DDAH1: variants seen among roughly 807,000 people sequenced by gnomAD.
The protein encoded by DDAH1 is N(G),N(G)-dimethylarginine dimethylaminohydrolase 1.
DDAH1 carries 19 observed loss-of-function variants against 28.8 expected under a neutral mutation model. The observed-to-expected ratio is 0.66, with a 90% CI of 0.46 to 0.97. DDAH1 has a LOEUF of 0.97. Ranked by LOEUF, DDAH1 falls within the 50% of genes least tolerant of loss-of-function variation. The pLI, the probability that DDAH1 is intolerant of heterozygous loss-of-function variation, is 0.00. For missense variants in DDAH1, 326 were observed against 375.9 expected (o/e 0.87, Z 1.10); for synonymous variants, 153 against 154.4 (o/e 0.99, Z 0.07).
chr1:85,467,933 A>G (rs1655444009), upstream of DDAH1, among the ~76,000 whole-genome samples: 1 of 152,230 alleles, frequency 6.6e-6, no homozygotes, highest in Non-Finnish European at 1.5e-5. Flanking sequence ...GGTATAGATA[A>G]CAAAGTGCTA....
intron 1 of DDAH1, among the ~76,000 whole-genome samples, chr1:85,523,932 C>T (rs868078883): frequency 3.3e-5 from 5 of 152,024 alleles, no homozygotes; most frequent in Admixed American, 1.3e-4. Context: ...AGTTAGCAAT[C>T]GAATTTTTTG....
At chr1:85,489,204 A>G (rs1392993601) in intron 2 of DDAH1, among the ~76,000 whole-genome samples, 1 of 152,198 alleles carries the variant, frequency 6.6e-6, no homozygotes, top group Non-Finnish European at 1.5e-5. Context: ...AGGAACAAAG[A>G]AGGGAAAAAC....
intron 1 of DDAH1, among the ~76,000 whole-genome samples, chr1:85,552,945 A>C (rs1658842630): frequency 6.6e-6 from 1 of 152,052 alleles, no homozygotes; most frequent in Non-Finnish European, 1.5e-5. Flanking sequence ...TGAAACCAAC[A>C]GAATGTAGCA....
At chr1:85,488,369 A>T (rs571858701) in intron 2 of DDAH1, 1 of 152,240 alleles carries the variant, frequency 6.6e-6, no homozygotes, top group Non-Finnish European at 1.5e-5. Flanking sequence ...TGGTTTTCAG[A>T]TGGCTTTCTT....
chr1:85,519,360 C>A (rs190474133), intron 1 of DDAH1, among the ~76,000 whole-genome samples: 1 of 152,030 alleles, frequency 6.6e-6, no homozygotes, highest in African/African-American at 2.4e-5. Flanking sequence ...CGTGAGCCAC[C>A]GTGCCTGGCC....
intron 1 of DDAH1, among the ~76,000 whole-genome samples, chr1:85,387,362 TC>T (rs1651327364): frequency 6.6e-6 from 1 of 152,212 alleles, no homozygotes; most frequent in Admixed American, 6.5e-5. Flanking sequence ...CTACACCACT[TC>T]TTGAGTGCTT....
chr1:85,568,834 A>G (rs1167904261), intron 1 of DDAH1, among the ~76,000 whole-genome samples: 1 of 152,192 alleles, frequency 6.6e-6, no homozygotes, highest in African/African-American at 2.4e-5. Context: ...ATCCAGTGTG[A>G]CAAGAAGACT....
At chr1:85,520,568 T>C (rs2773122) in intron 1 of DDAH1, among the ~76,000 whole-genome samples, 1 of 152,232 alleles carries the variant, frequency 6.6e-6, no homozygotes, top group African/African-American at 2.4e-5. Context: ...ACAGTTCAGA[T>C]ATGTCAAAAA....
intron 1 of DDAH1, among the ~76,000 whole-genome samples, chr1:85,559,077 C>G (rs1440607919): frequency 3.3e-5 from 5 of 152,146 alleles, no homozygotes; most frequent in Non-Finnish European, 7.3e-5. Context: ...AGAATTCATA[C>G]CCCTGACTCA....
chr1:85,550,862 A>G lies in DDAH1; in HGVS notation c.-123+27122T>C, dbSNP rs562187703. Among the ~76,000 whole-genome samples the G allele has an allele frequency of 3.3e-5, 5 of 152,344 alleles. No homozygotes were observed. In the South Asian group the frequency reaches 1.0e-3, roughly 32 times the overall value. On this transcript the variant is annotated intron_variant, in intron 1 of 6. Transcript: ENST00000426972. ...CTGCTCTAGCCATTTGAAAGCAGCA[A>G]CAACTTGCTAGCACTGACTGGATTA...
chr1:85,459,473 G>T (rs1045428698), intron 1 of DDAH1, among the ~76,000 whole-genome samples: 6 of 152,014 alleles, frequency 3.9e-5, no homozygotes, highest in African/African-American at 1.5e-4. Context: ...ATTTCCAAAC[G>T]TTACTGCCAA....
intron 1 of DDAH1, among the ~76,000 whole-genome samples, chr1:85,509,486 C>A (rs1424764120): frequency 6.6e-6 from 1 of 152,162 alleles, no homozygotes; most frequent in Non-Finnish European, 1.5e-5. Context: ...CAGAGAATGA[C>A]TTTGATGAGT....
At chr1:85,548,566 A>G (rs7536438) in intron 1 of DDAH1, among the ~76,000 whole-genome samples, 60,154 of 152,104 alleles carry the variant, frequency 0.4, 12,137 homozygotes, top group African/African-American at 0.44. Context: ...AACACAAACT[A>G]TAGATAAAGA....
At chr1:85,375,489 C>T (rs1650611101) in intron 1 of DDAH1, among the ~76,000 whole-genome samples, 1 of 152,126 alleles carries the variant, frequency 6.6e-6, no homozygotes, top group Non-Finnish European at 1.5e-5. Flanking sequence ...TCACATTCTA[C>T]TCATTCCAAA....
intron 1 of DDAH1, among the ~76,000 whole-genome samples, chr1:85,536,946 G>GGC (rs1658296758): frequency 4.8e-5 from 4 of 83,072 alleles, no homozygotes; most frequent in African/African-American, 9.4e-5. Flanking sequence ...AAGAAAATGT[G>GGC]GCATATATAT....
chr1:85,422,070 C>A (rs35479962), intron 1 of DDAH1, among the ~76,000 whole-genome samples: 7 of 148,126 alleles, frequency 4.7e-5, no homozygotes, highest in African/African-American at 1.8e-4. Flanking sequence ...CCTTGCCAAG[C>A]GATTGATATT....
At chr1:85,384,013 T>C (rs1185703924) in intron 1 of DDAH1, among the ~76,000 whole-genome samples, 1 of 152,226 alleles carries the variant, frequency 6.6e-6, no homozygotes, top group African/African-American at 2.4e-5. Context: ...GTACTATCTC[T>C]GAGGTATTCC....
At chr1:85,571,100 C>T (rs1051888623) in intron 1 of DDAH1, among the ~76,000 whole-genome samples, 1 of 152,186 alleles carries the variant, frequency 6.6e-6, no homozygotes, top group Admixed American at 6.5e-5. Flanking sequence ...AAAAGCTCAT[C>T]TCAGAGGGCT....
intron 1 of DDAH1, among the ~76,000 whole-genome samples, chr1:85,573,071 G>C (rs1659505630): frequency 6.6e-6 from 1 of 152,236 alleles, no homozygotes; most frequent in African/African-American, 2.4e-5. Flanking sequence ...CTTGGCAGTA[G>C]GAATAATTGT....
Sources: gnomAD v4.1 joint callset for allele counts (sites outside exome capture counted in the v4.1 genomes callset) on GRCh38, gnomAD v4.1.1 for gene constraint, MANE v1.5 for transcripts, NCBI Gene and HGNC (gene_info 2026-07-23, HGNC 2026-07-21) for gene names.